Variants in MMP16 observed in about 807,000 individuals in gnomAD.
MMP16 encodes matrix metalloproteinase-16.
Under a neutral mutation model 67.8 loss-of-function variants are expected in MMP16, and 12 were observed. The observed-to-expected ratio is 0.18, with a 90% CI of 0.11 to 0.29. The LOEUF (loss-of-function observed/expected upper bound fraction) is 0.29. Ranked by LOEUF, MMP16 falls within the 10% of genes least tolerant of loss-of-function variation. MMP16 has a pLI of 1.00. For synonymous variants in MMP16, 249 were observed against 255.9 expected (o/e 0.97, Z 0.26); for missense variants, 475 against 765.7 (o/e 0.62, Z 4.48).
At chr8:88,110,754 T>C (rs1809321280) in intron 6 of MMP16, among the ~76,000 whole-genome samples, 1 of 151,662 alleles carries the variant, frequency 6.6e-6, no homozygotes, top group Non-Finnish European at 1.5e-5. Context: ...CTTTATATCA[T>C]GAGAATTATG....
intron 3 of MMP16, among the ~76,000 whole-genome samples, chr8:88,183,312 T>C (rs1213059248): frequency 6.6e-6 from 1 of 152,190 alleles, no homozygotes; most frequent in Non-Finnish European, 1.5e-5. Flanking sequence ...ATATAAGGGA[T>C]AGAGGAGAGG....
At chr8:88,070,647 C>A (rs1253825527) in intron 7 of MMP16, among the ~76,000 whole-genome samples, 1 of 152,038 alleles carries the variant, frequency 6.6e-6, no homozygotes, top group Non-Finnish European at 1.5e-5. Context: ...GAACTCTCAG[C>A]TCTGTATCTT....
intron 4 of MMP16, among the ~76,000 whole-genome samples, chr8:88,124,677 T>C (rs1427439078): frequency 1.3e-5 from 2 of 151,956 alleles, no homozygotes; most frequent in South Asian, 4.1e-4. Context: ...GAACTAATAA[T>C]AAACTTAATA....
chr8:88,246,976 T>C (rs1810122212), intron 1 of MMP16, among the ~76,000 whole-genome samples: 1 of 152,162 alleles, frequency 6.6e-6, no homozygotes, highest in Non-Finnish European at 1.5e-5. Flanking sequence ...GTAAATGGAA[T>C]GGACAACTCT....
At chr8:88,092,558 T>C (rs1464680877) in intron 6 of MMP16, among the ~76,000 whole-genome samples, 1 of 151,834 alleles carries the variant, frequency 6.6e-6, no homozygotes, top group Non-Finnish European at 1.5e-5. Context: ...AGGAGAGGGA[T>C]TTTGTGGTGC....
At chr8:88,194,950 T>A (rs989620771) in intron 2 of MMP16, among the ~76,000 whole-genome samples, 5 of 152,146 alleles carry the variant, frequency 3.3e-5, no homozygotes, top group African/African-American at 4.8e-5. Context: ...TTCTCTATAA[T>A]GCCCTATCAC....
rs556019652 is a variant in MMP16 at position 88,267,931 on chromosome 8, C to T, written c.132+59144G>A. Among the ~76,000 whole-genome samples the T allele has an allele frequency of 2.6e-5, 4 of 152,136 alleles. No individual in the cohort carries two copies. In the South Asian group the frequency reaches 8.3e-4, roughly 31 times the overall value. On this transcript the variant is annotated intron_variant, in intron 1 of 9. Coordinates refer to ENST00000286614, the MANE Select transcript of MMP16 (RefSeq NM_005941.5). ...GAATGAAGTGGTCAAAACAAAGAAA[C>T]CACAGTTTTTAATATAGTTTAAATT...
chr8:88,259,126 A>G (rs1810348571), intron 1 of MMP16, among the ~76,000 whole-genome samples: 1 of 152,146 alleles, frequency 6.6e-6, no homozygotes, highest in Non-Finnish European at 1.5e-5. Flanking sequence ...CTGAACTGTC[A>G]TTTGAACCCA....
chr8:88,081,230 G>A (rs1563526085), intron 6 of MMP16, among the ~76,000 whole-genome samples: 1 of 152,136 alleles, frequency 6.6e-6, no homozygotes, highest in Admixed American at 6.6e-5. Flanking sequence ...TAAATGGGGA[G>A]CTTCAGTTGG....
At chr8:88,229,970 T>C (rs964829328) in intron 1 of MMP16, among the ~76,000 whole-genome samples, 11 of 152,116 alleles carry the variant, frequency 7.2e-5, no homozygotes, top group African/African-American at 2.7e-4. Context: ...CCATGTATAA[T>C]AGTACCCTAG....
rs184526774 is a variant in MMP16, at chr8:88,125,500, A to T, written c.710-6639T>A. 8.0e-3 allele frequency among the ~76,000 whole-genome samples: 1,211 copies of T among 152,104 alleles called. 18 individuals are homozygous for T. The highest frequency in any genetic ancestry group is 0.072 in the Middle Eastern group (21 of 292). On this transcript the variant is annotated intron_variant, in intron 4 of 9. Transcript: ENST00000286614. The stretch of plus-strand genomic sequence containing the variant: ...ACATTTATAGTATTTAATTAAACAA[A>T]TATTTTAGATTAAATCAATATAATT...
intron 1 of MMP16, among the ~76,000 whole-genome samples, chr8:88,287,652 A>G (rs922223549): frequency 4.6e-5 from 7 of 152,200 alleles, no homozygotes; most frequent in Admixed American, 1.3e-4. Context: ...TAAATGGATG[A>G]GTTGTAGGGG....
At chr8:88,146,002 T>A (rs1808284018) in intron 4 of MMP16, among the ~76,000 whole-genome samples, 1 of 152,026 alleles carries the variant, frequency 6.6e-6, no homozygotes, top group Admixed American at 6.6e-5. Flanking sequence ...GGTTGAGAAA[T>A]GCGGTTCTAG....
At chr8:88,067,397 A>G (rs1038607289) in intron 7 of MMP16, among the ~76,000 whole-genome samples, 2 of 152,140 alleles carry the variant, frequency 1.3e-5, no homozygotes, top group Non-Finnish European at 2.9e-5. Flanking sequence ...ATTCCAACAT[A>G]AACTTATGCA....
intron 1 of MMP16, among the ~76,000 whole-genome samples, chr8:88,258,678 G>A (rs1044783435): frequency 8.5e-5 from 13 of 152,280 alleles, no homozygotes; most frequent in African/African-American, 2.6e-4. Flanking sequence ...GAGGGAAGAC[G>A]GAGAGCTTAC....
chr8:88,223,626 G>A (rs1052964305), intron 1 of MMP16, among the ~76,000 whole-genome samples: 7 of 145,876 alleles, frequency 4.8e-5, no homozygotes, highest in African/African-American at 1.5e-4. Context: ...GTCACTCATA[G>A]GTGGGAACTG....
intron 4 of MMP16, 100 bp from the exon 5 acceptor site, chr8:88,118,961 G>A (rs1210112097): frequency 9.9e-6 from 11 of 1,108,868 alleles, no homozygotes; most frequent in African/African-American, 1.6e-5. Flanking sequence ...AAGAAAAATA[G>A]GAGGTACTCT....
At chr8:88,253,909 A>G (rs1367890016) in intron 1 of MMP16, among the ~76,000 whole-genome samples, 1 of 151,936 alleles carries the variant, frequency 6.6e-6, no homozygotes, top group African/African-American at 2.4e-5. Flanking sequence ...CCTGGCTTCA[A>G]GCAAGCCTCC....
rs186373939 is a variant in MMP16 at position 88,140,094 on chromosome 8, A to G, written c.710-21233T>C. Among the ~76,000 whole-genome samples, 47 of 152,242 alleles carry G rather than the reference A, an allele frequency of 3.1e-4. No homozygotes were observed. The East Asian group carries it at 9.1e-3, about 29-fold the overall frequency. On this transcript the variant is annotated intron_variant, in intron 4 of 9. Transcript: ENST00000286614. ...GTCTCTAGAGAAATTGCAATTTGAT[A>G]CGGTCTGGGTCTGCATTCTTCTCTA...
Sources: gnomAD v4.1 joint callset for allele counts (sites outside exome capture counted in the v4.1 genomes callset) on GRCh38, gnomAD v4.1.1 for gene constraint, MANE v1.5 for transcripts, NCBI Gene and HGNC (gene_info 2026-07-23, HGNC 2026-07-21) for gene names.